The following CAMSAP2 variants were observed in gnomAD, a reference collection of about 807,000 sequenced individuals.
The protein encoded by CAMSAP2 is calmodulin-regulated spectrin-associated protein 2.
In CAMSAP2, 26 loss-of-function variants were observed where a neutral mutation model predicts 146.1. That is an observed-to-expected ratio of 0.18 (90% CI 0.13 to 0.25). The LOEUF is 0.25. Ranked by LOEUF, CAMSAP2 falls within the 10% of genes least tolerant of loss-of-function variation. The pLI is 1.00. For synonymous variants in CAMSAP2, 499 were observed against 596.6 expected, an observed-to-expected ratio of 0.84 and a Z score of 2.38; for missense variants, 1,381 against 1,759.3, an observed-to-expected ratio of 0.78 and a Z score of 3.85.
At chr1:200,799,670 C>T (rs1043566043) in intron 2 of CAMSAP2, among the ~76,000 whole-genome samples, 1 of 152,090 alleles carries the variant, frequency 6.6e-6, no homozygotes, top group Non-Finnish European at 1.5e-5. Flanking sequence ...GTCTCTTTCT[C>T]CTTCAGTTCT....
chr1:200,801,601 C>G (rs140169987), intron 2 of CAMSAP2, among the ~76,000 whole-genome samples: 5 of 152,276 alleles, frequency 3.3e-5, no homozygotes, highest in African/African-American at 1.2e-4. Flanking sequence ...TTCACATAGT[C>G]CCATATTTCT....
At chr1:200,762,971 C>T (rs544345281) in intron 2 of CAMSAP2, among the ~76,000 whole-genome samples, 1 of 152,110 alleles carries the variant, frequency 6.6e-6, no homozygotes, top group South Asian at 2.1e-4. Context: ...GCGATCTTGG[C>T]TCACAGCAAC....
At chr1:200,770,075 T>A (rs1236337949) in intron 2 of CAMSAP2, among the ~76,000 whole-genome samples, 1 of 152,202 alleles carries the variant, frequency 6.6e-6, no homozygotes, top group African/African-American at 2.4e-5. Context: ...TAGATGATTC[T>A]CCCCTATCAT....
intron 2 of CAMSAP2, among the ~76,000 whole-genome samples, chr1:200,785,857 T>G (rs1224127200): frequency 6.6e-6 from 1 of 152,072 alleles, no homozygotes; most frequent in Non-Finnish European, 1.5e-5. Flanking sequence ...CTGGCTAATT[T>G]TTTGTATTTT....
chr1:200,850,098 T>G lies in CAMSAP2; in HGVS notation c.3329T>G (p.Val1110Gly), dbSNP rs769650445. The change falls in exon 11 of 17, where the codon GTT (valine) becomes GGT (glycine). Residue 1110 changes from valine (V) to glycine (G), a missense_variant. Transcript: ENST00000358823. Reference protein sequence around the residue: ...PVFPPTAPKNVNLIEVSLSDL... With the variant: ...PVFPPTAPKNGNLIEVSLSDL... ...TTCCCACCCACTGCTCCAAAAAATG[T>G]TAATCTGATTGAAGTTTCCCTCTCA... 5 of 1,614,116 alleles carry G rather than the reference T, an allele frequency of 3.1e-6. No individual in the cohort carries two copies. The highest frequency in any genetic ancestry group is 4.2e-6 in the Non-Finnish European group (5 of 1,180,012).
intron 4 of CAMSAP2, among the ~76,000 whole-genome samples, chr1:200,816,358 T>C (rs751975472): frequency 1.3e-5 from 2 of 150,918 alleles, no homozygotes; most frequent in Admixed American, 6.6e-5. Context: ...TTTGGGAGGC[T>C]GAGACGGGCG....
chr1:200,778,481 A>G (rs1477783790), intron 2 of CAMSAP2, among the ~76,000 whole-genome samples: 1 of 152,206 alleles, frequency 6.6e-6, no homozygotes, highest in African/African-American at 2.4e-5. Context: ...ATTTTAATAT[A>G]ACAAGTACCT....
At chr1:200,807,736 ACT>A (rs1325596157) in intron 3 of CAMSAP2, among the ~76,000 whole-genome samples, 199 bp downstream of exon 3, 1 of 144,046 alleles carries the variant, frequency 6.9e-6, no homozygotes, top group East Asian at 2.0e-4. Context: ...ATTTATGATT[ACT>A]CTTTTTTTTT....
In CAMSAP2 at chr1:200,854,857, C is replaced by T. The variant is rs768512460; in HGVS notation, c.3864C>T (p.Asn1288=). 7.4e-6 allele frequency: 12 copies of T among 1,611,530 alleles called. No individual in the cohort carries two copies. The East Asian group carries it at 1.3e-4, about 18-fold the overall frequency. ...LSLASLNTGD[N]ESVHSGKRTP... The stretch of plus-strand genomic sequence containing the variant: ...TGGCATCGCTGAACACGGGTGATAA[C>T]GAGAGTGTACATTCAGGCAAGAGGA... The change falls in exon 14 of 17, where the codon AAC becomes AAT. Residue 1288 remains asparagine (N), a synonymous_variant. Transcript: ENST00000358823.
chr1:200,807,836 G>A (rs1022710402), intron 3 of CAMSAP2, among the ~76,000 whole-genome samples: 3 of 150,996 alleles, frequency 2.0e-5, no homozygotes, highest in African/African-American at 7.3e-5. Context: ...CGCCCTTCAG[G>A]TTCTAGCAAT....
In CAMSAP2 at chr1:200,853,533, A is replaced by T. The variant is rs1283576993; in HGVS notation, c.3823+38A>T. ...ATTATGAAGAGTCTGTTCATAAAAA[A>T]CACCAGCTTGATTGGTTTGTCATAC... On this transcript the variant is annotated intron_variant, in intron 13 of 16. Transcript: ENST00000358823. This position sits in a 1 kb window ranked among gnomAD's most constrained non-coding sequence, Gnocchi z 5.1. 6.8e-7 allele frequency: 1 copy of T among 1,472,610 alleles called. No individual in the cohort carries two copies. The allele number at this position is 1,472,610 out of a possible 1,614,324, so 91.2% of individuals were successfully genotyped here.
intron 9 of CAMSAP2, 99 bp downstream of exon 9, chr1:200,847,391 T>TTTTG (rs1667485403): frequency 5.4e-6 from 4 of 736,372 alleles, no homozygotes; most frequent in African/African-American, 2.2e-5. Context: ...CAGGGTTTTT[T>TTTTG]TGTGTGTGTG....
Position 200,858,652 on chromosome 1 carries a change from TCTG to T in CAMSAP2, c.*596_*598del, listed in dbSNP as rs1667804273. The stretch of plus-strand genomic sequence containing the variant: ...GTGTTACAGCATTTGCAAAAATTAT[TCTG>T]CTAAGTATTTACAACTCTATTTATT... On this transcript the variant is annotated 3_prime_UTR_variant, in exon 17 of 17. Transcript: ENST00000358823. 6.6e-6 allele frequency: 1 copy of T among 152,660 alleles called. No homozygotes were observed. The highest frequency in any genetic ancestry group is 2.1e-4 in the South Asian group (1 of 4,836). 9.5% of individuals were successfully genotyped at this position (152,660 alleles called of 1,614,324 possible). A position where few individuals can be genotyped will look rare whatever the true frequency, so the allele number is the denominator to read the frequency against.
rs1238444052 is a variant in CAMSAP2, at chr1:200,860,679, C to T, written c.*2620C>T. 1 of 152,246 alleles carries T rather than the reference C, an allele frequency of 6.6e-6. No individual in the cohort carries two copies. The highest frequency in any genetic ancestry group is 2.4e-5 in the African/African-American group (1 of 41,444). 9.4% of individuals were successfully genotyped at this position (152,246 alleles called of 1,614,324 possible). ...TGGTACAGTGTAGTTTTTCCCCTTT[C>T]ATTTGAATAAAAGCATGGCACCAAA... On this transcript the variant is annotated 3_prime_UTR_variant, in exon 17 of 17. Coordinates refer to ENST00000358823, the MANE Select transcript of CAMSAP2 (RefSeq NM_203459.4).
At chr1:200,817,165 C>CATAAGT (rs375085196) in intron 4 of CAMSAP2, among the ~76,000 whole-genome samples, 1 of 68,044 alleles carries the variant, frequency 1.5e-5, no homozygotes, top group Admixed American at 1.6e-4. Flanking sequence ...CATACACACA[C>CATAAGT]GTGTGTGTAT....
At chr1:200,817,077 T>C (rs1666582519) in intron 4 of CAMSAP2, among the ~76,000 whole-genome samples, 1 of 138,820 alleles carries the variant, frequency 7.2e-6, no homozygotes. Context: ...TATATATGTG[T>C]ATACACACAC....
intron 2 of CAMSAP2, among the ~76,000 whole-genome samples, chr1:200,780,239 G>A (rs1665394912): frequency 6.6e-6 from 1 of 152,112 alleles, no homozygotes; most frequent in Non-Finnish European, 1.5e-5. Context: ...ATGTGACATG[G>A]TCTACCAAAA....
intron 2 of CAMSAP2, among the ~76,000 whole-genome samples, chr1:200,769,345 GT>G (rs1264916328): frequency 6.6e-6 from 1 of 152,178 alleles, no homozygotes; most frequent in Admixed American, 6.5e-5. Context: ...CTCATACTAA[GT>G]TTCTCTTTTC....
At chr1:200,752,134 T>A (rs1055129328) in intron 1 of CAMSAP2, among the ~76,000 whole-genome samples, 1 of 152,174 alleles carries the variant, frequency 6.6e-6, no homozygotes, top group African/African-American at 2.4e-5. Context: ...TAAACATTAA[T>A]GCATGACCGT....
Sources: gnomAD v4.1 joint callset for allele counts (sites outside exome capture counted in the v4.1 genomes callset) on GRCh38, gnomAD v4.1.1 for gene constraint, Gnocchi (gnomAD v3.1) non-coding constraint, MANE v1.5 for transcripts, NCBI Gene and HGNC (gene_info 2026-07-23, HGNC 2026-07-21) for gene names.